The following CAPRIN1 variants were observed in gnomAD, a reference collection of about 807,000 sequenced individuals.
CAPRIN1 encodes caprin-1.
CAPRIN1 carries 29 observed loss-of-function variants against 100.9 expected under a neutral mutation model. That is an observed-to-expected ratio of 0.29 (90% CI 0.21 to 0.39). The LOEUF is 0.39. Ranked by LOEUF, CAPRIN1 falls within the 10% of genes least tolerant of loss-of-function variation. CAPRIN1 has a pLI of 1.00. For synonymous variants in CAPRIN1, 338 were observed against 307.5 expected (o/e 1.10, Z -1.04); for missense variants, 795 against 876.7 (o/e 0.91, Z 1.18).
At chr11:34,098,557 A>C in intron 18 of CAPRIN1, 3 of 985,388 alleles carry the variant, frequency 3.0e-6, no homozygotes, top group Non-Finnish European at 3.6e-6. Flanking sequence ...ATGTGTGTTA[A>C]GGAGGAATTA....
chr11:34,076,736 GTT>G (rs369382547), intron 6 of CAPRIN1, 94 bp downstream of exon 6: 1,902 of 661,350 alleles, frequency 2.9e-3, no homozygotes, highest in East Asian at 3.3e-3. Context: ...AAAAAAATTA[GTT>G]TTTTTTTTTT....
intron 4 of CAPRIN1, 49 bp from the exon 5 acceptor site, chr11:34,076,187 A>G (rs1850902963): frequency 7.2e-7 from 1 of 1,391,272 alleles, no homozygotes; most frequent in African/African-American, 1.4e-5. Flanking sequence ...GGATTGAACT[A>G]AGTTTTATAT....
Position 34,079,733 on chromosome 11 carries a change from C to T in CAPRIN1, c.794C>T (p.Ala265Val). 1 of 1,614,050 alleles carries T rather than the reference C, an allele frequency of 6.2e-7. No individual in the cohort carries two copies. Among genetic ancestry groups the T allele is most frequent in the Non-Finnish European group, 8.5e-7 (1 of 1,179,974 alleles). The stretch of plus-strand genomic sequence containing the variant: ...TGTGAGGAAGAAGAGGCAGCCTCAG[C>T]ACCTGCAGTTGAAGACCAGGTACCT... ...GLCEEEEAAS[A>V]PAVEDQVPEA... The change falls in exon 7 of 19, where the codon GCA becomes GTA. Residue 265 changes from alanine (A) to valine (V), a missense_variant. Around this residue, in one of 3 missense-constraint regions of CAPRIN1, gnomAD observed 648 missense variants for 697.9 expected, o/e 0.93. Coordinates refer to ENST00000341394, the MANE Select transcript of CAPRIN1 (RefSeq NM_005898.5).
chr11:34,069,151 G>GTTTT (rs759857309), intron 2 of CAPRIN1, among the ~76,000 whole-genome samples: 1 of 132,812 alleles, frequency 7.5e-6, no homozygotes, highest in Admixed American at 7.6e-5. Flanking sequence ...AACTTATTTA[G>GTTTT]TTTTTTTTTT....
intron 2 of CAPRIN1, chr11:34,053,204 C>T: frequency 1.0e-6 from 1 of 972,080 alleles, no homozygotes; most frequent in Non-Finnish European, 1.2e-6. Flanking sequence ...GCCTTTCCGG[C>T]AGGCCCATTT....
intron 9 of CAPRIN1, among the ~76,000 whole-genome samples, chr11:34,084,016 C>T (rs559980402): frequency 7.9e-5 from 12 of 152,258 alleles, no homozygotes; most frequent in African/African-American, 2.9e-4. Context: ...TTGTAGTGAG[C>T]TGAGATCGTG....
At chr11:34,085,635 C>G (rs901320230) in intron 9 of CAPRIN1, among the ~76,000 whole-genome samples, 2 of 152,034 alleles carry the variant, frequency 1.3e-5, no homozygotes, top group African/African-American at 4.8e-5. Flanking sequence ...GAAACCCTGT[C>G]TCCGCTAAAA....
chr11:34,098,540 G>C, intron 18 of CAPRIN1: 1 of 985,336 alleles, frequency 1.0e-6, no homozygotes, highest in Non-Finnish European at 1.2e-6. Context: ...GCCATAACAT[G>C]TATAAAATGT....
rs548948575 is a variant in CAPRIN1, at chr11:34,064,686, A to G, written c.217-7040A>G. Among the ~76,000 whole-genome samples the G allele has an allele frequency of 2.3e-3, 343 of 152,334 alleles. 1 individual carries two copies. The highest frequency in any genetic ancestry group is 4.2e-3 in the Non-Finnish European group (286 of 68,034). On this transcript the variant is annotated intron_variant, in intron 2 of 18. Transcript: ENST00000341394. ...CACTTAGTTTAACTTCTGAGGTGTCAGCTAAGAATGCAAGATTTAACAAAA... is the reference window on the plus strand; with the variant it reads ...CACTTAGTTTAACTTCTGAGGTGTCGGCTAAGAATGCAAGATTTAACAAAA...
At chr11:34,084,194 T>G (rs1462182184) in intron 9 of CAPRIN1, among the ~76,000 whole-genome samples, 1 of 152,034 alleles carries the variant, frequency 6.6e-6, no homozygotes, top group Non-Finnish European at 1.5e-5. Context: ...CCTCAAGTGA[T>G]CTGCCCGTTT....
intron 13 of CAPRIN1, 49 bp downstream of exon 13, chr11:34,090,338 G>C: frequency 7.6e-7 from 1 of 1,316,968 alleles, no homozygotes; most frequent in Non-Finnish European, 1.1e-6. Context: ...ACTTACTCAT[G>C]AATTGAACAG....
In CAPRIN1 at chr11:34,052,410, G is replaced by C; in HGVS notation, c.1-11G>C. On this transcript the variant is annotated splice_polypyrimidine_tract_variant and intron_variant, in intron 1 of 18. Coordinates refer to ENST00000341394, the MANE Select transcript of CAPRIN1 (RefSeq NM_005898.5). ...CTCCCGCTTTTTCTTCTCTCTCCTTGCGGTCTGAAGATGCCCTCGGCCACC... is the reference window on the plus strand; with the variant it reads ...CTCCCGCTTTTTCTTCTCTCTCCTTCCGGTCTGAAGATGCCCTCGGCCACC... The C allele has an allele frequency of 2.5e-6, 4 of 1,603,424 alleles. No homozygotes were observed. Among genetic ancestry groups the C allele is most frequent in the Non-Finnish European group, 3.4e-6 (4 of 1,176,412 alleles).
At chr11:34,098,990 C>T (rs1037573920) in intron 18 of CAPRIN1, 4 of 1,218,504 alleles carry the variant, frequency 3.3e-6, no homozygotes, top group Non-Finnish European at 4.1e-6. Flanking sequence ...TCTGCTGTAT[C>T]TATTCCCAAC....
intron 7 of CAPRIN1, among the ~76,000 whole-genome samples, chr11:34,080,652 A>C (rs1851009742): frequency 2.0e-5 from 3 of 152,362 alleles, no homozygotes; most frequent in East Asian, 1.9e-4. Flanking sequence ...TAAAATTCTG[A>C]ATACAAGGAA....
chr11:34,077,955 C>T (rs1322263533), intron 6 of CAPRIN1, among the ~76,000 whole-genome samples: 2 of 152,122 alleles, frequency 1.3e-5, no homozygotes, highest in Non-Finnish European at 2.9e-5. Flanking sequence ...TTAGGTCAAG[C>T]TTCATCAGAT....
At chr11:34,094,703 C>T (rs913333784) in intron 15 of CAPRIN1, among the ~76,000 whole-genome samples, 3 of 152,092 alleles carry the variant, frequency 2.0e-5, no homozygotes, top group Admixed American at 2.0e-4. Context: ...AGGCTAAGGC[C>T]GGAGGATCAC....
intron 4 of CAPRIN1, among the ~76,000 whole-genome samples, chr11:34,074,960 G>A (rs1333922414): frequency 1.3e-5 from 2 of 152,106 alleles, no homozygotes; most frequent in Non-Finnish European, 2.9e-5. Flanking sequence ...TGAGAGGATC[G>A]CTTGAGGCCA....
At chr11:34,054,845 A>T (rs970036983) in intron 2 of CAPRIN1, among the ~76,000 whole-genome samples, 4 of 152,200 alleles carry the variant, frequency 2.6e-5, no homozygotes, top group African/African-American at 4.8e-5. Flanking sequence ...TAAAATATTA[A>T]TGATTGTGAA....
At chr11:34,058,182 A>T (rs924478958) in intron 2 of CAPRIN1, among the ~76,000 whole-genome samples, 2 of 151,814 alleles carry the variant, frequency 1.3e-5, no homozygotes, top group Non-Finnish European at 2.9e-5. Flanking sequence ...GTCGCCCAGG[A>T]CTGGAGTGCA....
Sources: gnomAD v4.1 joint callset for allele counts (sites outside exome capture counted in the v4.1 genomes callset) on GRCh38, gnomAD v4.1.1 for gene constraint, gnomAD v4.1.1 regional missense constraint, MANE v1.5 for transcripts, NCBI Gene and HGNC (gene_info 2026-07-23, HGNC 2026-07-21) for gene names.